The following ARHGEF3 variants were observed in gnomAD, a reference collection of about 807,000 sequenced individuals.
The protein encoded by ARHGEF3 is Rho guanine nucleotide exchange factor 3, also known as 59.8 kDA protein.
A neutral mutation model predicts 63.2 loss-of-function variants in ARHGEF3; 28 were observed. The observed-to-expected ratio is 0.44, with a 90% CI of 0.33 to 0.61. The LOEUF (loss-of-function observed/expected upper bound fraction) is 0.61. ARHGEF3 is among the 20% of genes least tolerant of loss of function. The pLI is 0.03. For missense variants in ARHGEF3, 533 were observed against 659.3 expected (o/e 0.81, Z 2.10); for synonymous variants, 266 against 254.2 (o/e 1.05, Z -0.44).
intron 3 of ARHGEF3, among the ~76,000 whole-genome samples, chr3:56,914,773 T>C (rs1309104211): frequency 6.6e-6 from 1 of 152,132 alleles, no homozygotes; most frequent in Non-Finnish European, 1.5e-5. Context: ...TGACTCTACT[T>C]ATATGAGATA....
At chr3:56,775,543 C>T in intron 1 of ARHGEF3, 1 of 986,582 alleles carries the variant, frequency 1.0e-6, no homozygotes, top group Non-Finnish European at 1.2e-6. Context: ...GCAGAAAACT[C>T]TCAGAACACT....
intron 3 of ARHGEF3, among the ~76,000 whole-genome samples, chr3:56,923,467 A>G (rs1326089627): frequency 1.3e-5 from 2 of 152,128 alleles, no homozygotes; most frequent in East Asian, 3.9e-4. Flanking sequence ...TGATTTTTCT[A>G]TCCTGATTTG....
At chr3:56,769,144 C>G (rs2035872194) in intron 2 of ARHGEF3, among the ~76,000 whole-genome samples, 1 of 152,130 alleles carries the variant, frequency 6.6e-6, no homozygotes, top group African/African-American at 2.4e-5. Flanking sequence ...AGTGCAAGTC[C>G]AAAGAGAATG....
Position 56,729,349 on chromosome 3 carries a change from T to C in ARHGEF3, c.1502A>G (p.Glu501Gly). Residue 501 changes from glutamate to glycine, a missense_variant, in exon 10 of 10, where the codon GAG (glutamate) becomes GGG (glycine). By Grantham distance (98) the Glu-to-Gly change is moderately conservative. Transcript: ENST00000296315. ...SESDCSMDTS[E>G]VSLDCERMEQ... ...CATGCGCTCACAGTCGAGGCTGACC[T>C]CACTCGTGTCCATACTACAGTCTGA... 1 of 1,614,140 alleles carries C rather than the reference T, an allele frequency of 6.2e-7. No individual in the cohort carries two copies. The highest frequency in any genetic ancestry group is 8.5e-7 in the Non-Finnish European group (1 of 1,180,026).
intron 4 of ARHGEF3, among the ~76,000 whole-genome samples, chr3:56,874,889 G>C (rs1358665328): frequency 6.6e-6 from 1 of 152,270 alleles, no homozygotes; most frequent in East Asian, 1.9e-4. Context: ...TCTGCAAAAA[G>C]GGTATGATAC....
rs865936949 is a variant in ARHGEF3, at chr3:56,968,230, A to G, written c.63-9341T>C. ...AAAATATATATTATATATAATATAT[A>G]TATAAATATATATATTAATATATAA... On this transcript the variant is annotated intron_variant, in intron 2 of 12. Transcript: ENST00000338458. Among the ~76,000 whole-genome samples, 106 of 45,188 alleles carry G rather than the reference A, an allele frequency of 2.3e-3. 5 individuals carry two copies. The highest frequency in any genetic ancestry group is 4.2e-3 in the African/African-American group (56 of 13,382). 29.6% of individuals were successfully genotyped at this position (45,188 alleles called of 152,430 possible). A position where few individuals can be genotyped will look rare whatever the true frequency, so the allele number is the denominator to read the frequency against.
intron 4 of ARHGEF3, among the ~76,000 whole-genome samples, chr3:56,872,008 A>G (rs2040445224): frequency 6.6e-6 from 1 of 152,046 alleles, no homozygotes; most frequent in Admixed American, 6.6e-5. Flanking sequence ...TATTCTTATC[A>G]TATCACTGAA....
chr3:56,814,083 A>C (rs2038172460), intron 4 of ARHGEF3, among the ~76,000 whole-genome samples: 1 of 152,218 alleles, frequency 6.6e-6, no homozygotes, highest in African/African-American at 2.4e-5. Context: ...TAAACTGAAA[A>C]AGAATAAGAT....
At position 57,017,032 on chromosome 3, in the gene ARHGEF3, T is replaced by TCTCTCTCACACA. The variant is rs1221332567; in HGVS notation, c.62+18055_62+18056insTGTGTGAGAGAG. ...CTCTCTCTCTCTCTCTCTCTCTCTC[T>TCTCTCTCACACA]CACACACACACACACACACACACAC... On this transcript the variant is annotated intron_variant, in intron 2 of 12. Coordinates refer to the ARHGEF3 transcript ENST00000338458. Among the ~76,000 whole-genome samples the TCTCTCTCACACA allele has an allele frequency of 4.8e-3, 503 of 104,352 alleles. 6 individuals carry two copies. Among genetic ancestry groups the TCTCTCTCACACA allele is most frequent in the African/African-American group, 0.017 (473 of 28,216 alleles). 68.5% of individuals were successfully genotyped at this position (104,352 alleles called of 152,430 possible). A position where few individuals can be genotyped will look rare whatever the true frequency, so the allele number is the denominator to read the frequency against.
chr3:56,876,764 G>T (rs1310370839), intron 4 of ARHGEF3, among the ~76,000 whole-genome samples: 2 of 152,016 alleles, frequency 1.3e-5, no homozygotes, highest in African/African-American at 4.8e-5. Flanking sequence ...CCATGGGAAA[G>T]CCCCACCAGC....
chr3:56,883,717 C>T (rs2040840050), intron 3 of ARHGEF3, among the ~76,000 whole-genome samples: 1 of 152,194 alleles, frequency 6.6e-6, no homozygotes, highest in Non-Finnish European at 1.5e-5. Context: ...TTTCTTCAGT[C>T]CCTAACCTGT....
intron 4 of ARHGEF3, among the ~76,000 whole-genome samples, chr3:56,821,346 T>C (rs942248057): frequency 7.2e-5 from 11 of 152,308 alleles, no homozygotes; most frequent in Admixed American, 6.5e-4. Flanking sequence ...CTAATTATAC[T>C]ATCCTCTCTA....
upstream of ARHGEF3, chr3:56,801,956 C>G: frequency 7.5e-7 from 1 of 1,335,812 alleles, no homozygotes; most frequent in Non-Finnish European, 9.8e-7. Flanking sequence ...GACTGGGCTC[C>G]GGAGCCGAGT....
Position 56,909,684 on chromosome 3 carries a change from G to A in ARHGEF3, c.130-27330C>T, listed in dbSNP as rs896405559. Among the ~76,000 whole-genome samples the A allele has an allele frequency of 3.3e-5, 5 of 152,246 alleles. No homozygotes were observed. In the South Asian group the frequency reaches 8.3e-4, roughly 25 times the overall value. On this transcript the variant is annotated intron_variant, in intron 3 of 12. Transcript: ENST00000338458. ...ATTCATTTAGGACCTAATACATGCC[G>A]GGCCTTGGGATAGGCGTTCTCATCA... is the stretch of plus-strand genomic sequence containing the variant.
At chr3:56,884,993 T>C (rs574345298) in intron 3 of ARHGEF3, among the ~76,000 whole-genome samples, 1 of 152,184 alleles carries the variant, frequency 6.6e-6, no homozygotes, top group African/African-American at 2.4e-5. Flanking sequence ...TTACATACAC[T>C]GTTCAAAGGT....
chr3:56,787,349 C>A lies in ARHGEF3; in HGVS notation c.97-13533G>T, dbSNP rs144085693. 6.1e-3 allele frequency among the ~76,000 whole-genome samples: 930 copies of A among 152,274 alleles called. 11 individuals are homozygous for A. The highest frequency in any genetic ancestry group is 0.021 in the African/African-American group (864 of 41,542). On this transcript the variant is annotated intron_variant, in intron 1 of 9. Coordinates refer to ENST00000296315, the MANE Select transcript of ARHGEF3 (RefSeq NM_019555.3). ...ATCAATTGCGATTAAATAAATTATA[C>A]CCTGCCAAGGCACTTGCCTACTCAT...
At chr3:56,765,452 C>T (rs1036595164) in intron 2 of ARHGEF3, among the ~76,000 whole-genome samples, 9 of 152,164 alleles carry the variant, frequency 5.9e-5, no homozygotes, top group African/African-American at 1.7e-4. Flanking sequence ...CCAAGCTCAT[C>T]TCCATGTCAG....
At chr3:56,892,232 T>C (rs2041146532) in intron 3 of ARHGEF3, among the ~76,000 whole-genome samples, 2 of 151,938 alleles carry the variant, frequency 1.3e-5, no homozygotes, top group Admixed American at 6.5e-5. Context: ...GGCTGCCAAA[T>C]ATATTTTCCA....
chr3:56,727,794 C>T lies in ARHGEF3; in HGVS notation c.*1476G>A, dbSNP rs1002522995. The T allele has an allele frequency of 6.6e-6, 1 of 152,498 alleles. No individual in the cohort carries two copies. The highest frequency in any genetic ancestry group is 1.5e-5 in the Non-Finnish European group (1 of 68,032). 9.4% of individuals were successfully genotyped at this position (152,498 alleles called of 1,614,324 possible). ...ACAGGGTAAAATTGATCACAATATC[C>T]TTGTTTTCAAAAAATAATAAAGTAT... On this transcript the variant is annotated 3_prime_UTR_variant, in exon 10 of 10. Transcript: ENST00000296315.
Sources: gnomAD v4.1 joint callset for allele counts (sites outside exome capture counted in the v4.1 genomes callset) on GRCh38, gnomAD v4.1.1 for gene constraint, MANE v1.5 for transcripts, NCBI Gene and HGNC (gene_info 2026-07-23, HGNC 2026-07-21) for gene names.